Variants in ANK2 observed in about 807,000 individuals in gnomAD.
The protein encoded by ANK2 is ankyrin 2.
Under a neutral mutation model 360.5 loss-of-function variants are expected in ANK2, and 83 were observed. That is an observed-to-expected ratio of 0.23 (90% confidence interval 0.19 to 0.28). The LOEUF (loss-of-function observed/expected upper bound fraction) is 0.28, where lower values mean the gene tolerates loss of function less well. ANK2 is among the 10% of genes least tolerant of loss of function. ANK2 has a pLI of 1.00. For synonymous variants in ANK2, 1,740 were observed against 1,759.5 expected (o/e 0.99, Z 0.28); for missense variants, 4,201 against 4,795.7 (o/e 0.88, Z 3.66).
chr4:112,856,251 A>G (rs2066365760), intron 1 of ANK2, among the ~76,000 whole-genome samples: 1 of 152,228 alleles, frequency 6.6e-6, no homozygotes, highest in South Asian at 2.1e-4. Flanking sequence ...AAGCAAAAGT[A>G]CACGCTTGAG....
intron 1 of ANK2, among the ~76,000 whole-genome samples, chr4:112,900,024 T>G (rs540037763): frequency 1.3e-5 from 2 of 152,322 alleles, no homozygotes; most frequent in South Asian, 2.1e-4. Flanking sequence ...TAAAAAAGTC[T>G]TCTGTGGAAA....
chr4:113,354,279 T>C lies in ANK2; in HGVS notation c.5661T>C (p.Thr1887=). Reference sequence around the variant, plus strand: ...CACCTGTATCACCCTCGACAAAAACTGAAAGGCACTCTCCTGTGTCATCTA... The same window carrying C: ...CACCTGTATCACCCTCGACAAAAACCGAAAGGCACTCTCCTGTGTCATCTA... ...KHSPVSPSTK[T]ERHSPVSSTK... Residue 1887 remains threonine, a synonymous_variant, in exon 38 of 46, where the codon ACT becomes ACC. Coordinates refer to ENST00000357077, the MANE Select transcript of ANK2 (RefSeq NM_001148.6). 6.2e-7 allele frequency: 1 copy of C among 1,613,842 alleles called. No individual in the cohort carries two copies. The highest frequency in any genetic ancestry group is 2.2e-5 in the East Asian group (1 of 44,858).
chr4:113,217,859 G>A (rs553091539), intron 4 of ANK2, among the ~76,000 whole-genome samples: 1 of 152,208 alleles, frequency 6.6e-6, no homozygotes, highest in East Asian at 1.9e-4. Flanking sequence ...CGTTGAAGAT[G>A]TTTATTCTTT....
intron 2 of ANK2, among the ~76,000 whole-genome samples, chr4:113,029,303 C>T (rs1443128304): frequency 1.3e-5 from 2 of 152,000 alleles, no homozygotes; most frequent in African/African-American, 4.8e-5. Flanking sequence ...GGCATGATTA[C>T]AACTCACTAC....
intron 2 of ANK2, among the ~76,000 whole-genome samples, chr4:113,011,393 GA>G (rs928152592): frequency 2.8e-4 from 42 of 152,090 alleles, no homozygotes; most frequent in African/African-American, 1.0e-3. Flanking sequence ...ATTAACAGGA[GA>G]AAAGCATACA....
At chr4:113,057,294 G>C (rs1377579823) in intron 1 of ANK2, among the ~76,000 whole-genome samples, 1 of 152,176 alleles carries the variant, frequency 6.6e-6, no homozygotes. Context: ...CAAGAGATCA[G>C]TGTAATTTTG....
chr4:113,214,303 G>A lies in ANK2; in HGVS notation c.384+15194G>A. 4 of 1,040,116 alleles carry A rather than the reference G, an allele frequency of 3.8e-6. No homozygotes were observed. In the South Asian group the frequency reaches 5.1e-5, roughly 13 times the overall value. 64.4% of individuals were successfully genotyped at this position (1,040,116 alleles called of 1,614,324 possible). A position where few individuals can be genotyped will look rare whatever the true frequency, so the allele number is the denominator to read the frequency against. On this transcript the variant is annotated intron_variant, in intron 4 of 45. Transcript: ENST00000357077. Reference sequence around the variant, plus strand: ...AATTTCTTAATGGCCTTGTCCTTGGGCACGCATCGGGCACAGTTAGTGCAG... The same window carrying A: ...AATTTCTTAATGGCCTTGTCCTTGGACACGCATCGGGCACAGTTAGTGCAG...
At chr4:112,796,717 G>T in the ANK2 span, among the ~76,000 whole-genome samples, 1 of 150,584 alleles carries the variant, frequency 6.6e-6, no homozygotes, top group Non-Finnish European at 1.5e-5. Flanking sequence ...AGGTACAGTG[G>T]TATGTGTGAT....
chr4:113,096,819 G>A (rs1170991330), intron 1 of ANK2, among the ~76,000 whole-genome samples: 1 of 151,846 alleles, frequency 6.6e-6, no homozygotes, highest in Non-Finnish European at 1.5e-5. Context: ...CCAGTAAGTC[G>A]ATTTTGCCAC....
intron 1 of ANK2, among the ~76,000 whole-genome samples, chr4:112,824,269 T>G (rs1168586814): frequency 5.3e-5 from 8 of 151,990 alleles, no homozygotes; most frequent in Admixed American, 4.6e-4. Flanking sequence ...AGTCTCGAAC[T>G]CTTGGCTTCA....
At chr4:112,951,216 G>A (rs969593944) in intron 2 of ANK2, among the ~76,000 whole-genome samples, 7 of 152,032 alleles carry the variant, frequency 4.6e-5, no homozygotes, top group Non-Finnish European at 8.8e-5. Context: ...GTTTATGATA[G>A]GGAAAAATTA....
intron 1 of ANK2, among the ~76,000 whole-genome samples, chr4:113,085,070 A>G (rs1356112032): frequency 6.6e-6 from 1 of 152,208 alleles, no homozygotes; most frequent in East Asian, 1.9e-4. Flanking sequence ...CATTATCTGC[A>G]ATGACTGGAT....
intron 2 of ANK2, chr4:112,904,630 A>G: frequency 2.8e-6 from 2 of 706,438 alleles, no homozygotes; most frequent in South Asian, 2.0e-5. Flanking sequence ...AGATTTAAAG[A>G]TGTTATAGCA....
At chr4:112,736,893 T>G in the ANK2 span, among the ~76,000 whole-genome samples, 1 of 152,186 alleles carries the variant, frequency 6.6e-6, no homozygotes, top group African/African-American at 2.4e-5. Context: ...AGAGAAATAG[T>G]GACAGTAATT....
the ANK2 span, among the ~76,000 whole-genome samples, chr4:112,725,254 C>G: frequency 2.1e-5 from 3 of 141,846 alleles, no homozygotes; most frequent in Non-Finnish European, 4.6e-5. Context: ...TGCACTCCAG[C>G]CTGGGCAACA....
At chr4:112,718,161 G>A in the ANK2 span, among the ~76,000 whole-genome samples, 2 of 152,214 alleles carry the variant, frequency 1.3e-5, no homozygotes, top group South Asian at 4.1e-4. Context: ...TTTAGAAGGT[G>A]TTGTTGTTTT....
intron 1 of ANK2, among the ~76,000 whole-genome samples, chr4:113,116,127 T>C (rs377327895): frequency 1.6e-4 from 25 of 152,346 alleles, no homozygotes; most frequent in East Asian, 1.2e-3. Flanking sequence ...TCCTCTTTCA[T>C]TGAGCCTCCC....
intron 1 of ANK2, among the ~76,000 whole-genome samples, chr4:113,158,634 G>C (rs373816751): frequency 1.3e-5 from 2 of 152,158 alleles, no homozygotes; most frequent in South Asian, 4.1e-4. Flanking sequence ...CTCCCATTTT[G>C]AAGGTTGCCA....
chr4:113,347,228 AT>A (rs2094959990), intron 35 of ANK2, among the ~76,000 whole-genome samples: 1 of 152,146 alleles, frequency 6.6e-6, no homozygotes, highest in Admixed American at 6.5e-5. Context: ...GACATTGTAA[AT>A]TTTTATTAAA....
Sources: gnomAD v4.1 joint callset for allele counts (sites outside exome capture counted in the v4.1 genomes callset) on GRCh38, gnomAD v4.1.1 for gene constraint, MANE v1.5 for transcripts, NCBI Gene and HGNC (gene_info 2026-07-23, HGNC 2026-07-21) for gene names.